The following DPYD variants were observed in gnomAD, a reference collection of about 807,000 sequenced individuals.
The protein encoded by DPYD is dihydropyrimidine dehydrogenase [NADP(+)].
In DPYD, 109 loss-of-function variants were observed where a neutral mutation model predicts 116.2. The ratio of observed to expected loss-of-function variants is 0.94; its 90% confidence interval spans 0.80 to 1.10. The LOEUF (loss-of-function observed/expected upper bound fraction) is 1.10, where lower values mean the gene tolerates loss of function less well. Among genes scored for constraint, DPYD ranks in the 50% least tolerant of loss-of-function variants. The pLI is 0.00. For missense variants in DPYD, 1,302 were observed against 1,254.5 expected (o/e 1.04, Z -0.57); for synonymous variants, 440 against 432.0 (o/e 1.02, Z -0.23).
chr1:97,852,817 G>A (rs533550543), intron 2 of DPYD, among the ~76,000 whole-genome samples: 4 of 152,186 alleles, frequency 2.6e-5, no homozygotes, highest in East Asian at 1.9e-4. Context: ...AATGATGTTC[G>A]TCACAATTCA....
intron 5 of DPYD, among the ~76,000 whole-genome samples, chr1:97,710,814 C>T (rs1460782396): frequency 6.6e-6 from 1 of 151,764 alleles, no homozygotes; most frequent in African/African-American, 2.4e-5. Context: ...ACTATGTAGC[C>T]TGTCTGGAAC....
chr1:97,444,684 A>G (rs896842243), intron 14 of DPYD, among the ~76,000 whole-genome samples: 1 of 152,178 alleles, frequency 6.6e-6, no homozygotes, highest in African/African-American at 2.4e-5. Flanking sequence ...ATGATTGAAC[A>G]GAATAGGGCC....
At chr1:97,870,722 T>G (rs973872935) in intron 2 of DPYD, among the ~76,000 whole-genome samples, 4 of 151,794 alleles carry the variant, frequency 2.6e-5, no homozygotes, top group African/African-American at 9.7e-5. Flanking sequence ...CCAAGTGAGC[T>G]CTATGGAGTG....
At chr1:97,753,231 A>C (rs1009833723) in intron 3 of DPYD, among the ~76,000 whole-genome samples, 3 of 152,194 alleles carry the variant, frequency 2.0e-5, no homozygotes, top group African/African-American at 2.4e-5. Context: ...CTAAAGAAAA[A>C]GATATTAAGG....
At chr1:97,373,352 T>C (rs910382322) in intron 16 of DPYD, among the ~76,000 whole-genome samples, 1 of 152,206 alleles carries the variant, frequency 6.6e-6, no homozygotes, top group African/African-American at 2.4e-5. Flanking sequence ...TAATGTGATA[T>C]TTTCCTCAAT....
chr1:97,091,353 C>G (rs755292603), intron 21 of DPYD, among the ~76,000 whole-genome samples: 7 of 152,012 alleles, frequency 4.6e-5, no homozygotes, highest in Admixed American at 1.3e-4. Flanking sequence ...AACCCAGGTC[C>G]TCCAGGAAAA....
intron 18 of DPYD, among the ~76,000 whole-genome samples, chr1:97,287,188 C>G (rs1359958303): frequency 6.6e-6 from 1 of 152,182 alleles, no homozygotes; most frequent in Admixed American, 6.5e-5. Context: ...TACTAGAGGT[C>G]CACTCCAGAC....
intron 5 of DPYD, among the ~76,000 whole-genome samples, chr1:97,702,271 T>C (rs935927731): frequency 5.9e-5 from 9 of 151,564 alleles, no homozygotes; most frequent in East Asian, 1.9e-4. Flanking sequence ...AAATATATTT[T>C]TTATATTTCC....
intron 3 of DPYD, among the ~76,000 whole-genome samples, chr1:97,783,885 C>G (rs1361564549): frequency 1.3e-5 from 2 of 152,156 alleles, no homozygotes; most frequent in Admixed American, 6.5e-5. Flanking sequence ...CAGCTTTTCC[C>G]TGAAATCTCT....
chr1:97,374,982 C>A (rs951164486), intron 15 of DPYD, among the ~76,000 whole-genome samples: 25 of 143,602 alleles, frequency 1.7e-4, no homozygotes, highest in African/African-American at 6.5e-4. Context: ...TGAGCTGAGA[C>A]CATGCCACTG....
intron 1 of DPYD, among the ~76,000 whole-genome samples, chr1:97,893,689 C>T (rs1368349397): frequency 6.6e-6 from 1 of 151,372 alleles, no homozygotes; most frequent in African/African-American, 2.4e-5. Context: ...TTCTACTGAG[C>T]ATATAGTTAA....
intron 3 of DPYD, among the ~76,000 whole-genome samples, chr1:97,770,442 G>A (rs1571329302): frequency 6.6e-6 from 1 of 151,868 alleles, no homozygotes; most frequent in African/African-American, 2.4e-5. Context: ...TCTTTTCTAT[G>A]AGTACCAAGA....
chr1:97,695,577 C>T (rs551887298), intron 6 of DPYD, among the ~76,000 whole-genome samples: 4 of 150,356 alleles, frequency 2.7e-5, no homozygotes, highest in African/African-American at 7.4e-5. Context: ...ATGACCAGCA[C>T]ATAGTTAAGT....
chr1:97,842,909 C>T (rs1024558059), intron 2 of DPYD, among the ~76,000 whole-genome samples: 5 of 152,022 alleles, frequency 3.3e-5, no homozygotes, highest in Non-Finnish European at 5.9e-5. Flanking sequence ...TTATACTTCC[C>T]ATCCTCTTGT....
chr1:97,213,438 T>C (rs1470108633), intron 19 of DPYD, among the ~76,000 whole-genome samples: 1 of 152,188 alleles, frequency 6.6e-6, no homozygotes, highest in Non-Finnish European at 1.5e-5. Flanking sequence ...GCTGTTTATG[T>C]TCTCTTAATG....
At chr1:97,233,044 C>T (rs1661680116) in intron 19 of DPYD, among the ~76,000 whole-genome samples, 1 of 152,090 alleles carries the variant, frequency 6.6e-6, no homozygotes, top group Admixed American at 6.5e-5. Context: ...GCTAGCTTTC[C>T]TTGGTGTCAG....
Position 97,635,219 on chromosome 1 carries a change from G to T in DPYD, c.851-40053C>A, listed in dbSNP as rs1030645459. On this transcript the variant is annotated intron_variant, in intron 8 of 22. Transcript: ENST00000370192. ...ACCTTAGGATAAGGAATTATGTAGG[G>T]ACCGATATATATGCCCACCTCAAGC... Among the ~76,000 whole-genome samples, 10 of 152,066 alleles carry T rather than the reference G, an allele frequency of 6.6e-5. No homozygotes were observed. The South Asian group carries it at 1.5e-3, about 22-fold the overall frequency.
intron 14 of DPYD, among the ~76,000 whole-genome samples, chr1:97,407,665 A>T (rs779404665): frequency 6.6e-6 from 1 of 152,132 alleles, no homozygotes; most frequent in Non-Finnish European, 1.5e-5. Context: ...GTATGCTCTG[A>T]ATCAGCATCC....
intron 20 of DPYD, among the ~76,000 whole-genome samples, chr1:97,161,896 T>A (rs1193019689): frequency 6.6e-6 from 1 of 151,976 alleles, no homozygotes; most frequent in Non-Finnish European, 1.5e-5. Context: ...ACAAAGGACA[T>A]GAACTCACCA....
Sources: gnomAD v4.1 joint callset for allele counts (sites outside exome capture counted in the v4.1 genomes callset) on GRCh38, gnomAD v4.1.1 for gene constraint, MANE v1.5 for transcripts, NCBI Gene and HGNC (gene_info 2026-07-23, HGNC 2026-07-21) for gene names.